SLC24A2: variants seen among roughly 807,000 people sequenced by gnomAD.
The protein encoded by SLC24A2 is sodium/potassium/calcium exchanger 2.
SLC24A2 carries 36 observed loss-of-function variants against 62.0 expected under a neutral mutation model. The observed-to-expected ratio is 0.58, with a 90% CI of 0.44 to 0.77. The LOEUF is 0.77. Ranked by LOEUF, SLC24A2 falls within the 30% of genes least tolerant of loss-of-function variation. SLC24A2 has a pLI of 0.00. For missense variants in SLC24A2, 846 were observed against 817.9 expected, an observed-to-expected ratio of 1.03 and a Z score of -0.42; for synonymous variants, 358 against 294.0, an observed-to-expected ratio of 1.22 and a Z score of -2.23.
the SLC24A2 span, among the ~76,000 whole-genome samples, chr9:20,020,007 A>C: frequency 6.6e-6 from 1 of 152,218 alleles, no homozygotes; most frequent in Non-Finnish European, 1.5e-5. Context: ...AATGCAAATC[A>C]AAACCACAAT....
At chr9:19,790,995 A>C (rs537031297), upstream of SLC24A2, among the ~76,000 whole-genome samples, 2 of 152,262 alleles carry the variant, frequency 1.3e-5, no homozygotes, top group African/African-American at 2.4e-5. Flanking sequence ...TCATGAGTCC[A>C]TAGATTGTAT....
chr9:19,965,227 G>A, the SLC24A2 span, among the ~76,000 whole-genome samples: 1 of 152,028 alleles, frequency 6.6e-6, no homozygotes, highest in Admixed American at 6.6e-5. Context: ...CCCCAGCACT[G>A]ACCAATCAGA....
Position 19,786,682 on chromosome 9 carries a change from G to C in SLC24A2, c.185C>G (p.Thr62Arg), listed in dbSNP as rs772811786. ...GGCCTCTCCTGTGCTCTGTGTATCT[G>C]TCTCAGAAAAGGCACTGATTGAAAA... Reference protein sequence around the residue: ...VSFSISAFSETDTQSTGEASV... With the variant: ...VSFSISAFSERDTQSTGEASV... Residue 62 changes from threonine (T) to arginine (R), a missense_variant, in exon 2 of 11, where the codon ACA (threonine) becomes AGA (arginine). Physicochemically the swap from Thr to Arg is moderately conservative, Grantham distance 71. Coordinates refer to ENST00000341998, the MANE Select transcript of SLC24A2 (RefSeq NM_020344.4). The surrounding 1 kb of genome is among the most constrained non-coding windows in gnomAD (Gnocchi z 5.0). 1 of 1,613,436 alleles carries C rather than the reference G, an allele frequency of 6.2e-7. No homozygotes were observed. Among genetic ancestry groups the C allele is most frequent in the Non-Finnish European group, 8.5e-7 (1 of 1,179,564 alleles).
At chr9:20,049,352 T>C in the SLC24A2 span, among the ~76,000 whole-genome samples, 1 of 152,204 alleles carries the variant, frequency 6.6e-6, no homozygotes, top group African/African-American at 2.4e-5. Flanking sequence ...AGTTATTGCG[T>C]GACTCCAATG....
At chr9:19,682,933 G>T (rs928376840) in intron 2 of SLC24A2, among the ~76,000 whole-genome samples, 2 of 151,954 alleles carry the variant, frequency 1.3e-5, no homozygotes, top group Non-Finnish European at 2.9e-5. Context: ...GAGTGAGATG[G>T]ATTAAAAAAC....
intron 8 of SLC24A2, among the ~76,000 whole-genome samples, chr9:19,541,979 T>C (rs1834287068): frequency 6.6e-6 from 1 of 152,180 alleles, no homozygotes; most frequent in Non-Finnish European, 1.5e-5. Context: ...CCAGGTGCCG[T>C]CTGTCACCCC....
At chr9:19,724,588 T>G (rs1821117868) in intron 2 of SLC24A2, among the ~76,000 whole-genome samples, 1 of 152,170 alleles carries the variant, frequency 6.6e-6, no homozygotes, top group African/African-American at 2.4e-5. Flanking sequence ...ATATTTTACT[T>G]CCTTTTCAGT....
intron 2 of SLC24A2, among the ~76,000 whole-genome samples, chr9:19,633,589 G>A (rs1262755074): frequency 6.6e-6 from 1 of 152,048 alleles, no homozygotes; most frequent in African/African-American, 2.4e-5. Flanking sequence ...GGCTGGTCTT[G>A]TACTCCTGGG....
At chr9:20,116,130 G>T in the SLC24A2 span, among the ~76,000 whole-genome samples, 1 of 152,104 alleles carries the variant, frequency 6.6e-6, no homozygotes, top group South Asian at 2.1e-4. Context: ...TGTGCCATTT[G>T]AAAGAAACTT....
At chr9:20,230,701 G>A in the SLC24A2 span, among the ~76,000 whole-genome samples, 8 of 152,142 alleles carry the variant, frequency 5.3e-5, no homozygotes, top group African/African-American at 1.9e-4. Context: ...CACTCTGATA[G>A]TAGTTTCTTT....
chr9:20,098,529 G>A, the SLC24A2 span, among the ~76,000 whole-genome samples: 1 of 152,180 alleles, frequency 6.6e-6, no homozygotes, highest in African/African-American at 2.4e-5. Flanking sequence ...TTTGACCAAA[G>A]AGGAAACTGG....
the SLC24A2 span, among the ~76,000 whole-genome samples, chr9:20,217,668 CTA>C: frequency 5.3e-5 from 8 of 152,060 alleles, 1 homozygote; most frequent in South Asian, 4.1e-4. Context: ...TGAAACTGCA[CTA>C]GAGACTCCAT....
Position 19,534,604 on chromosome 9 carries a change from C to T in SLC24A2, c.1480-6466G>A, listed in dbSNP as rs532516261. Among the ~76,000 whole-genome samples the T allele has an allele frequency of 1.3e-3, 193 of 151,910 alleles. 1 individual carries two copies. The highest frequency in any genetic ancestry group is 4.2e-3 in the African/African-American group (175 of 41,440). The stretch of plus-strand genomic sequence containing the variant: ...CTCCCACTTATGAGTGAAAAAAATG[C>T]GGTGTTTAGTTTTCTGTTCTTGTGT... On this transcript the variant is annotated intron_variant, in intron 8 of 10. Coordinates refer to ENST00000341998, the MANE Select transcript of SLC24A2 (RefSeq NM_020344.4).
chr9:20,231,766 A>T, the SLC24A2 span, among the ~76,000 whole-genome samples: 1 of 152,056 alleles, frequency 6.6e-6, no homozygotes, highest in East Asian at 1.9e-4. Flanking sequence ...AACTTCCAAA[A>T]CTATGTTGAA....
At chr9:19,608,043 A>G (rs1021594444) in intron 4 of SLC24A2, among the ~76,000 whole-genome samples, 1 of 152,200 alleles carries the variant, frequency 6.6e-6, no homozygotes, top group Non-Finnish European at 1.5e-5. Flanking sequence ...GTCCTCCTCT[A>G]TCCAGGGATT....
At chr9:19,754,165 A>G (rs1013746814) in intron 2 of SLC24A2, among the ~76,000 whole-genome samples, 18 of 152,212 alleles carry the variant, frequency 1.2e-4, no homozygotes, top group African/African-American at 4.3e-4. Flanking sequence ...AGATTCTGTC[A>G]AAGGAGCCAC....
chr9:19,593,322 T>C (rs947750120), intron 5 of SLC24A2, among the ~76,000 whole-genome samples: 1 of 152,140 alleles, frequency 6.6e-6, no homozygotes, highest in African/African-American at 2.4e-5. Flanking sequence ...ATACTGGCTA[T>C]TGATGAACAA....
chr9:19,898,090 A>G, the SLC24A2 span, among the ~76,000 whole-genome samples: 1 of 152,354 alleles, frequency 6.6e-6, no homozygotes, highest in Non-Finnish European at 1.5e-5. Flanking sequence ...AGAGGGTCAT[A>G]GAATAATCCG....
the SLC24A2 span, among the ~76,000 whole-genome samples, chr9:20,129,796 C>G: frequency 6.6e-6 from 1 of 152,150 alleles, no homozygotes; most frequent in Non-Finnish European, 1.5e-5. Flanking sequence ...ATAAGAGACA[C>G]TGCTTGAAGA....
Sources: gnomAD v4.1 joint callset for allele counts (sites outside exome capture counted in the v4.1 genomes callset) on GRCh38, gnomAD v4.1.1 for gene constraint, Gnocchi (gnomAD v3.1) non-coding constraint, MANE v1.5 for transcripts, NCBI Gene and HGNC (gene_info 2026-07-23, HGNC 2026-07-21) for gene names.